DPY19L2: variants seen among roughly 807,000 people sequenced by gnomAD.
The protein encoded by DPY19L2 is probable C-mannosyltransferase DPY19L2.
Under a neutral mutation model 97.9 loss-of-function variants are expected in DPY19L2, and 34 were observed. The observed-to-expected ratio is 0.35, with a 90% CI of 0.26 to 0.46. The LOEUF is 0.46. DPY19L2 is among the 20% of genes least tolerant of loss of function. The probability of loss-of-function intolerance (pLI) is 1.00; values close to 1 mark genes in which losing one functional copy is unlikely to be tolerated. For missense variants in DPY19L2, 623 were observed against 911.4 expected (o/e 0.68, Z 4.07); for synonymous variants, 230 against 307.9 (o/e 0.75, Z 2.65).
At chr12:63,627,504 C>T (rs1247301140) in intron 6 of DPY19L2, among the ~76,000 whole-genome samples, 3 of 152,066 alleles carry the variant, frequency 2.0e-5, no homozygotes, top group Non-Finnish European at 4.4e-5. Flanking sequence ...GCACATGCCA[C>T]CACACCTGGC....
chr12:63,587,557 A>ATT (rs1882004302), intron 16 of DPY19L2, among the ~76,000 whole-genome samples: 10 of 136,242 alleles, frequency 7.3e-5, no homozygotes, highest in African/African-American at 2.8e-4. Context: ...CATTTTTAAA[A>ATT]ATTATTATTA....
chr12:63,644,730 A>C (rs1433945226), intron 5 of DPY19L2, among the ~76,000 whole-genome samples: 8 of 152,082 alleles, frequency 5.3e-5, no homozygotes, highest in African/African-American at 1.9e-4. Flanking sequence ...ATACACATAC[A>C]CGTATGTAAG....
chr12:63,654,245 T>C (rs184947893), intron 4 of DPY19L2, among the ~76,000 whole-genome samples: 5 of 152,198 alleles, frequency 3.3e-5, no homozygotes, highest in Non-Finnish European at 5.9e-5. Flanking sequence ...GATTAAAACA[T>C]ACAGTAAAAT....
intron 4 of DPY19L2, chr12:63,651,890 G>A (rs1209896162): frequency 2.0e-5 from 8 of 390,982 alleles, no homozygotes; most frequent in East Asian, 8.2e-5. Flanking sequence ...GCCTAGCTGC[G>A]GCTTGCCATG....
chr12:63,599,896 CCA>C (rs1884856565), intron 13 of DPY19L2, among the ~76,000 whole-genome samples: 1 of 152,016 alleles, frequency 6.6e-6, no homozygotes, highest in Non-Finnish European at 1.5e-5. Flanking sequence ...TGATTTTAGT[CCA>C]CAGTTATAAA....
chr12:63,597,108 G>A (rs1280498658), intron 14 of DPY19L2, among the ~76,000 whole-genome samples: 4 of 151,690 alleles, frequency 2.6e-5, no homozygotes, highest in Non-Finnish European at 5.9e-5. Context: ...ACTCAGGCTG[G>A]GACTACAGGC....
chr12:63,621,073 T>C (rs1378607570), intron 9 of DPY19L2, among the ~76,000 whole-genome samples, 165 bp downstream of exon 9: 3 of 151,566 alleles, frequency 2.0e-5, no homozygotes, highest in Non-Finnish European at 4.4e-5. Flanking sequence ...GGGAAAACAT[T>C]AGGAAAAACA....
rs774177885 is a variant in DPY19L2 at position 63,668,166 on chromosome 12, G to A, written c.228C>T (p.Thr76=). Residue 76 remains threonine, a synonymous_variant, in exon 1 of 22, where the codon ACC becomes ACT. Transcript: ENST00000324472. The stretch of plus-strand genomic sequence containing the variant: ...CGAACTGGAAGGGGCCGAGAAGAAA[G>A]GTCTTGGCCACCACCTCTAGCTCCA... ...KGLELEVVAK[T]FLLGPFQFVR... is the part of the protein sequence containing the mutation. 1.2e-6 allele frequency: 2 copies of A among 1,614,018 alleles called. No individual in the cohort carries two copies. Among genetic ancestry groups the A allele is most frequent in the Admixed American group, 1.7e-5 (1 of 60,024 alleles).
rs1890951568 is a variant in DPY19L2, at chr12:63,632,847, G to T, written c.804-6321C>A. Among the ~76,000 whole-genome samples, 6 of 152,064 alleles carry T rather than the reference G, an allele frequency of 3.9e-5. 1 individual carries two copies. The South Asian group carries it at 1.2e-3, about 32-fold the overall frequency. ...AGGCTACAGTAACCAAAACAGCATGGTACTGGTACCAAAACTGAGATATAG... is the reference window on the plus strand; with the variant it reads ...AGGCTACAGTAACCAAAACAGCATGTTACTGGTACCAAAACTGAGATATAG... On this transcript the variant is annotated intron_variant, in intron 6 of 21. Coordinates refer to ENST00000324472, the MANE Select transcript of DPY19L2 (RefSeq NM_173812.5).
At chr12:63,650,036 T>C (rs558315417) in intron 4 of DPY19L2, among the ~76,000 whole-genome samples, 1 of 152,290 alleles carries the variant, frequency 6.6e-6, no homozygotes, top group Non-Finnish European at 1.5e-5. Flanking sequence ...TCAATAAATA[T>C]GATTGATCAC....
Position 63,593,468 on chromosome 12 carries a change from T to C in DPY19L2, c.1580+619A>G, listed in dbSNP as rs557864169. ...TGGAATACTATGCAGCCATAAAAAATGATGAGCTCATGTCCTTTGTAGGGA... is the reference window on the plus strand; with the variant it reads ...TGGAATACTATGCAGCCATAAAAAACGATGAGCTCATGTCCTTTGTAGGGA... On this transcript the variant is annotated intron_variant, in intron 16 of 21. Coordinates refer to ENST00000324472, the MANE Select transcript of DPY19L2 (RefSeq NM_173812.5). Among the ~76,000 whole-genome samples the C allele has an allele frequency of 2.0e-5, 3 of 152,204 alleles. No homozygotes were observed. In the South Asian group the frequency reaches 6.2e-4, roughly 32 times the overall value.
intron 16 of DPY19L2, 82 bp downstream of exon 16, chr12:63,594,005 A>G: frequency 1.0e-6 from 1 of 986,094 alleles, no homozygotes; most frequent in Non-Finnish European, 1.5e-6. Context: ...TTTAATGCAT[A>G]TTCATTTGAA....
chr12:63,600,881 G>C (rs988748111), intron 12 of DPY19L2, among the ~76,000 whole-genome samples: 1 of 151,478 alleles, frequency 6.6e-6, no homozygotes, highest in South Asian at 2.1e-4. Context: ...CGCCTCCCGG[G>C]TTCACGGCAT....
chr12:63,587,377 G>A (rs7959993), intron 16 of DPY19L2, among the ~76,000 whole-genome samples: 30,270 of 139,874 alleles, frequency 0.22, 4,176 homozygotes, highest in African/African-American at 0.43. Flanking sequence ...TAGACCATTT[G>A]GAATAGCACT....
intron 12 of DPY19L2, among the ~76,000 whole-genome samples, chr12:63,606,058 C>A (rs2137625097): frequency 6.6e-6 from 1 of 152,132 alleles, no homozygotes; most frequent in South Asian, 2.1e-4. Context: ...ATACATAAGG[C>A]ATATTTTAAA....
At chr12:63,660,609 G>A (rs966979198) in intron 4 of DPY19L2, among the ~76,000 whole-genome samples, 11 of 151,882 alleles carry the variant, frequency 7.2e-5, no homozygotes, top group Admixed American at 5.9e-4. Context: ...TTAGATGGTT[G>A]ATCACACATA....
chr12:63,613,964 C>G (rs1592573708), intron 11 of DPY19L2, among the ~76,000 whole-genome samples: 1 of 151,520 alleles, frequency 6.6e-6, no homozygotes, highest in Non-Finnish European at 1.5e-5. Flanking sequence ...CAGAGGCAGG[C>G]AGATCACCTG....
In DPY19L2 at chr12:63,624,022, T is replaced by C. The variant is rs1326201296; in HGVS notation, c.953+18A>G. ...TAAATTATAATTTATTTGCCTTCGT[T>C]TTATAAATCGAAGTTACCTGAGAAT... On this transcript the variant is annotated intron_variant, in intron 8 of 21. Coordinates refer to ENST00000324472, the MANE Select transcript of DPY19L2 (RefSeq NM_173812.5). 6.4e-7 allele frequency: 1 copy of C among 1,573,664 alleles called. No individual in the cohort carries two copies. The highest frequency in any genetic ancestry group is 8.7e-7 in the Non-Finnish European group (1 of 1,145,878).
chr12:63,635,814 A>G (rs1258248096), intron 6 of DPY19L2, among the ~76,000 whole-genome samples: 5 of 152,230 alleles, frequency 3.3e-5, no homozygotes, highest in African/African-American at 1.2e-4. Context: ...GGTGTACCTG[A>G]AAGTGACAGG....
Sources: gnomAD v4.1 joint callset for allele counts (sites outside exome capture counted in the v4.1 genomes callset) on GRCh38, gnomAD v4.1.1 for gene constraint, MANE v1.5 for transcripts, NCBI Gene and HGNC (gene_info 2026-07-23, HGNC 2026-07-21) for gene names.